Variants in THSD4 observed in about 807,000 individuals in gnomAD.
The protein encoded by THSD4 is thrombospondin type-1 domain-containing protein 4.
THSD4 carries 69 observed loss-of-function variants against 119.0 expected under a neutral mutation model. The observed-to-expected ratio is 0.58, with a 90% CI of 0.48 to 0.71. THSD4 has a LOEUF of 0.71. Among genes scored for constraint, THSD4 ranks in the 30% least tolerant of loss-of-function variants. The pLI is 0.00. For missense variants in THSD4, 1,393 were observed against 1,391.1 expected (o/e 1.00, Z -0.02); for synonymous variants, 524 against 540.4 (o/e 0.97, Z 0.42).
At chr15:71,722,751 A>G (rs2141115648) in intron 8 of THSD4, among the ~76,000 whole-genome samples, 1 of 152,320 alleles carries the variant, frequency 6.6e-6, no homozygotes, top group African/African-American at 2.4e-5. Flanking sequence ...TGAGAAATAA[A>G]TGTCTCCCTT....
intron 7 of THSD4, among the ~76,000 whole-genome samples, chr15:71,523,148 A>G (rs1459238547): frequency 3.9e-5 from 6 of 152,184 alleles, no homozygotes; most frequent in Non-Finnish European, 8.8e-5. Flanking sequence ...ACCAATTACT[A>G]CAAACTCAGT....
chr15:71,443,204 G>A (rs1301619587), intron 7 of THSD4, among the ~76,000 whole-genome samples: 1 of 152,074 alleles, frequency 6.6e-6, no homozygotes, highest in African/African-American at 2.4e-5. Context: ...CAAATACAAA[G>A]TTGGAGGAGG....
At chr15:71,379,298 A>C (rs554264716) in intron 6 of THSD4, among the ~76,000 whole-genome samples, 56 of 152,026 alleles carry the variant, frequency 3.7e-4, no homozygotes, top group African/African-American at 1.3e-3. Flanking sequence ...TGGTTCTCTT[A>C]GGTTTACATG....
At chr15:71,726,189 T>C (rs1201635201) in intron 8 of THSD4, among the ~76,000 whole-genome samples, 2 of 152,168 alleles carry the variant, frequency 1.3e-5, no homozygotes, top group Non-Finnish European at 2.9e-5. Flanking sequence ...GAATTGATCT[T>C]GTAATTCAGT....
At chr15:71,470,981 T>C (rs139496539) in intron 7 of THSD4, among the ~76,000 whole-genome samples, 1 of 152,368 alleles carries the variant, frequency 6.6e-6, no homozygotes, top group East Asian at 1.9e-4. Context: ...TTTTGCAGTA[T>C]GTTTAAAGTT....
intron 7 of THSD4, among the ~76,000 whole-genome samples, chr15:71,454,634 A>G (rs17727206): frequency 0.26 from 39,862 of 152,184 alleles, 5,847 homozygotes; most frequent in Middle Eastern, 0.36. Context: ...GGAAGTCTGG[A>G]AGTTCAAAGA....
At chr15:71,553,147 G>C (rs1046752022) in intron 7 of THSD4, among the ~76,000 whole-genome samples, 1 of 152,154 alleles carries the variant, frequency 6.6e-6, no homozygotes, top group Non-Finnish European at 1.5e-5. Context: ...GTGAGTGTCT[G>C]TGGGTTTATG....
chr15:71,199,780 GTGGGTGTGTGC>G (rs2043772605), intron 3 of THSD4, among the ~76,000 whole-genome samples: 1 of 91,392 alleles, frequency 1.1e-5, no homozygotes, highest in African/African-American at 4.8e-5. Flanking sequence ...TGTGTGGTGT[GTGGGTGTGTGC>G]TGTGTGTGTG....
chr15:71,670,065 T>C (rs909777368), intron 8 of THSD4, among the ~76,000 whole-genome samples: 4 of 152,206 alleles, frequency 2.6e-5, no homozygotes, highest in South Asian at 2.1e-4. Flanking sequence ...TCCAGGATTA[T>C]GCCACTTCGG....
At chr15:71,702,722 G>T (rs1455062778) in intron 8 of THSD4, among the ~76,000 whole-genome samples, 1 of 152,110 alleles carries the variant, frequency 6.6e-6, no homozygotes, top group Non-Finnish European at 1.5e-5. Context: ...CTTTCTTTCT[G>T]CAATGCACTT....
rs1254505685 is a variant in THSD4, at chr15:71,097,974, G to C, written c.-80+968G>C. ...ACCTTCTCGCAGTGATGTTTTTGGGGAAACATCTTTTTTCACAGGGACAAT... is the reference window on the plus strand; with the variant it reads ...ACCTTCTCGCAGTGATGTTTTTGGGCAAACATCTTTTTTCACAGGGACAAT... On this transcript the variant is annotated intron_variant, in intron 1 of 17. Transcript: ENST00000355327. 2.0e-5 allele frequency among the ~76,000 whole-genome samples: 3 copies of C among 151,876 alleles called. No individual in the cohort carries two copies. The South Asian group carries it at 6.2e-4, about 32-fold the overall frequency.
At chr15:71,661,904 G>T (rs1200857840) in intron 8 of THSD4, among the ~76,000 whole-genome samples, 2 of 152,078 alleles carry the variant, frequency 1.3e-5, no homozygotes, top group African/African-American at 4.8e-5. Context: ...CTCTCAACAG[G>T]GAAAAGAAGC....
chr15:71,468,108 C>T (rs1465878711), intron 7 of THSD4, among the ~76,000 whole-genome samples: 1 of 152,200 alleles, frequency 6.6e-6, no homozygotes, highest in Non-Finnish European at 1.5e-5. Context: ...CTCAGCCTCC[C>T]AAAATGCTGG....
At chr15:71,617,262 G>A (rs1467291352) in intron 7 of THSD4, among the ~76,000 whole-genome samples, 2 of 152,228 alleles carry the variant, frequency 1.3e-5, no homozygotes, top group African/African-American at 2.4e-5. Flanking sequence ...AGCCAGAAAC[G>A]AATTAATGGA....
At chr15:71,589,411 A>C (rs1054658583) in intron 7 of THSD4, among the ~76,000 whole-genome samples, 2 of 138,254 alleles carry the variant, frequency 1.4e-5, no homozygotes, top group African/African-American at 5.0e-5. Flanking sequence ...GCTGGAGTGC[A>C]GGAGCACAAT....
At position 71,417,481 on chromosome 15, in the gene THSD4, T is replaced by C. The variant is rs2046773338; in HGVS notation, c.1152+5658T>C. On this transcript the variant is annotated intron_variant, in intron 7 of 17. Transcript: ENST00000261862. ...TTTCCAGTTTTCCCAGCACCATTTTTTTTGAGGAGACTGTCCTTTTTCCAA... is the reference window on the plus strand; with the variant it reads ...TTTCCAGTTTTCCCAGCACCATTTTCTTTGAGGAGACTGTCCTTTTTCCAA... Among the ~76,000 whole-genome samples, 2 of 108,502 alleles carry C rather than the reference T, an allele frequency of 1.8e-5. 1 individual carries two copies. The highest frequency in any genetic ancestry group is 6.3e-5 in the African/African-American group (2 of 31,926). The allele number at this position is 108,502 out of a possible 152,430, so 71.2% of individuals were successfully genotyped here. A position where few individuals can be genotyped will look rare whatever the true frequency, so the allele number is the denominator to read the frequency against.
intron 12 of THSD4, 104 bp downstream of exon 12, chr15:71,745,339 A>G (rs1049286230): frequency 3.9e-5 from 57 of 1,444,480 alleles, no homozygotes; most frequent in Non-Finnish European, 4.4e-5. Context: ...TCTGAGTTAG[A>G]AATACAAGAC....
Position 71,728,709 on chromosome 15 carries a change from G to C in THSD4, c.1518G>C (p.Glu506Asp), listed in dbSNP as rs1281265600. The C allele has an allele frequency of 6.2e-7, 1 of 1,614,126 alleles. No homozygotes were observed. Among genetic ancestry groups the C allele is most frequent in the African/African-American group, 1.3e-5 (1 of 75,052 alleles). ...TTTTGGCGGAAGGTCCCACCAACGA[G>C]ATCTTGGATGTCTACGTGAGTTTGG... is the stretch of plus-strand genomic sequence containing the variant. ...ESFLAEGPTNEILDVYMIHQQ... is the reference protein window; with the variant it reads ...ESFLAEGPTNDILDVYMIHQQ... The change falls in exon 9 of 18, where the codon GAG becomes GAC. Residue 506 changes from glutamate (E) to aspartate (D), a missense_variant. Physicochemically the swap from Glu to Asp is conservative, Grantham distance 45. Transcript: ENST00000261862.
Position 71,417,470 on chromosome 15 carries a change from A to G in THSD4, c.1152+5647A>G. Among the ~76,000 whole-genome samples the G allele has an allele frequency of 1.8e-5, 2 of 108,160 alleles. 1 individual carries two copies. The highest frequency in any genetic ancestry group is 4.1e-5 in the Non-Finnish European group (2 of 49,278). 71.0% of individuals were successfully genotyped at this position (108,160 alleles called of 152,430 possible). A position where few individuals can be genotyped will look rare whatever the true frequency, so the allele number is the denominator to read the frequency against. On this transcript the variant is annotated intron_variant, in intron 7 of 17. Coordinates refer to ENST00000261862, the MANE Select transcript of THSD4 (RefSeq NM_024817.3). Reference sequence around the variant, plus strand: ...CTGCATATGGATTTCCAGTTTTCCCAGCACCATTTTTTTTGAGGAGACTGT... The same window carrying G: ...CTGCATATGGATTTCCAGTTTTCCCGGCACCATTTTTTTTGAGGAGACTGT...
Sources: allele counts gnomAD v4.1 joint callset (sites outside exome capture counted in the v4.1 genomes callset), GRCh38; gene constraint gnomAD v4.1.1; transcripts MANE v1.5; gene names NCBI Gene and HGNC (gene_info 2026-07-23, HGNC 2026-07-21).